BAIAP2: variants seen among roughly 807,000 people sequenced by gnomAD.
BAIAP2 encodes BAR/IMD domain containing adaptor protein 2.
Under a neutral mutation model 63.0 loss-of-function variants are expected in BAIAP2, and 18 were observed. The observed-to-expected ratio is 0.29, with a 90% CI of 0.20 to 0.42. The LOEUF is 0.42. Among genes scored for constraint, BAIAP2 ranks in the 10% least tolerant of loss-of-function variants. The pLI, the probability that BAIAP2 is intolerant of heterozygous loss-of-function variation, is 1.00. For synonymous variants in BAIAP2, 386 were observed against 307.6 expected (o/e 1.25, Z -2.67); for missense variants, 610 against 734.3 (o/e 0.83, Z 1.96).
At chr17:81,048,375 A>AG (rs1444817584) in intron 1 of BAIAP2, among the ~76,000 whole-genome samples, 1 of 151,816 alleles carries the variant, frequency 6.6e-6, no homozygotes, top group Non-Finnish European at 1.5e-5. Flanking sequence ...AAAAAAAAAA[A>AG]AAAAAGAATT....
chr17:81,036,560 T>C (rs571274218), intron 1 of BAIAP2, among the ~76,000 whole-genome samples: 1 of 152,354 alleles, frequency 6.6e-6, no homozygotes, highest in South Asian at 2.1e-4. Context: ...TGCACTTGAA[T>C]ACAGCTTTCA....
chr17:81,096,497 A>G (rs1314658650), intron 6 of BAIAP2, among the ~76,000 whole-genome samples: 1 of 152,212 alleles, frequency 6.6e-6, no homozygotes, highest in Non-Finnish European at 1.5e-5. Context: ...CTGCGGGAGG[A>G]GCGGGGCAGG....
chr17:81,112,195 T>C (rs1002242915), intron 13 of BAIAP2, among the ~76,000 whole-genome samples: 4 of 152,158 alleles, frequency 2.6e-5, no homozygotes, highest in African/African-American at 9.6e-5. Flanking sequence ...CTGAGGGGGC[T>C]GAACTGCCCT....
At chr17:81,104,976 A>AGCAGGGATCTCCCCCCAACG (rs370537414) in intron 10 of BAIAP2, 39,229 of 345,440 alleles carry the variant, frequency 0.11, 4,588 homozygotes, top group East Asian at 0.27. Context: ...TCCCCCCAAC[A>AGCAGGGATCTCCCCCCAACG]GCAGGGATCT....
rs12951666 is a variant in BAIAP2 at position 81,067,204 on chromosome 17, C to A, written c.217+9237C>A. ...TTCCTCCCTCCCTACAGTAGGACTCCGGCAGGGGTGCTCCAGAGACAGCCA... is the reference window on the plus strand; with the variant it reads ...TTCCTCCCTCCCTACAGTAGGACTCAGGCAGGGGTGCTCCAGAGACAGCCA... On this transcript the variant is annotated intron_variant, in intron 3 of 13. Coordinates refer to ENST00000428708, the MANE Select transcript of BAIAP2 (RefSeq NM_001144888.2). Among the ~76,000 whole-genome samples, 183 of 152,192 alleles carry A rather than the reference C, an allele frequency of 1.2e-3. 1 individual carries two copies. Among genetic ancestry groups the A allele is most frequent in the Middle Eastern group, 0.01 (3 of 294 alleles).
At chr17:81,052,801 C>T (rs923900309) in intron 1 of BAIAP2, among the ~76,000 whole-genome samples, 10 of 152,198 alleles carry the variant, frequency 6.6e-5, no homozygotes, top group African/African-American at 1.9e-4. Context: ...TGGGGCCCCA[C>T]AGCCTCCTGC....
At chr17:81,052,512 C>T (rs1026936694) in intron 1 of BAIAP2, among the ~76,000 whole-genome samples, 26 of 152,242 alleles carry the variant, frequency 1.7e-4, no homozygotes, top group African/African-American at 3.6e-4. Context: ...GAGGTGTACC[C>T]GGCCTGCTGT....
chr17:81,085,125 C>T (rs776497530), intron 4 of BAIAP2: 6 of 584,442 alleles, frequency 1.0e-5, no homozygotes, highest in African/African-American at 3.7e-5. Flanking sequence ...GCAGCCATGA[C>T]ACGCTGGGCT....
intron 1 of BAIAP2, among the ~76,000 whole-genome samples, chr17:81,050,564 C>CG (rs980184347): frequency 8.5e-5 from 13 of 152,272 alleles, no homozygotes; most frequent in African/African-American, 2.4e-4. Flanking sequence ...CTCTTCCACC[C>CG]GGGGGCCTGT....
chr17:81,111,400 C>CAGGGTCCTGGGG (rs1233287623), intron 13 of BAIAP2, among the ~76,000 whole-genome samples: 2 of 152,214 alleles, frequency 1.3e-5, no homozygotes, highest in Non-Finnish European at 2.9e-5. Flanking sequence ...GACTGGAGGT[C>CAGGGTCCTGGGG]AGGGTCCTGG....
chr17:81,111,629 G>T (rs888502309), intron 13 of BAIAP2, among the ~76,000 whole-genome samples: 1 of 152,258 alleles, frequency 6.6e-6, no homozygotes, highest in Admixed American at 6.5e-5. Context: ...GGCCATTATG[G>T]GTCCAATTCC....
intron 6 of BAIAP2, among the ~76,000 whole-genome samples, chr17:81,088,507 G>T (rs1444625686): frequency 1.3e-5 from 2 of 152,230 alleles, no homozygotes; most frequent in Non-Finnish European, 2.9e-5. Context: ...TCAATCAGCA[G>T]TCACTCCTGG....
At chr17:81,055,471 C>T (rs2049322510) in intron 2 of BAIAP2, among the ~76,000 whole-genome samples, 1 of 152,204 alleles carries the variant, frequency 6.6e-6, no homozygotes, top group Non-Finnish European at 1.5e-5. Flanking sequence ...CCACCCTGCC[C>T]CTCCTCTACA....
chr17:81,055,377 G>GGA (rs1283482646), intron 2 of BAIAP2, among the ~76,000 whole-genome samples: 1 of 152,014 alleles, frequency 6.6e-6, no homozygotes, highest in Non-Finnish European at 1.5e-5. Flanking sequence ...AATGGGACAG[G>GGA]GAGCTCCCTT....
At chr17:81,053,864 G>T in intron 2 of BAIAP2, 121 bp downstream of exon 2, 1 of 585,052 alleles carries the variant, frequency 1.7e-6, no homozygotes, top group African/African-American at 2.2e-5. Context: ...GGGCCCCGTG[G>T]GGTGGGAGCT....
chr17:81,042,451 C>T (rs1022302226), intron 1 of BAIAP2, among the ~76,000 whole-genome samples: 2 of 152,138 alleles, frequency 1.3e-5, no homozygotes, highest in Non-Finnish European at 2.9e-5. Context: ...CAAACGCACC[C>T]TGGTGCTTTC....
At chr17:81,110,779 C>A in intron 13 of BAIAP2, 1 of 1,299,332 alleles carries the variant, frequency 7.7e-7, no homozygotes, top group Non-Finnish European at 1.1e-6. Flanking sequence ...AGAGCCAGAG[C>A]CCCAGCTGTG....
chr17:81,109,963 C>T (rs757484840), intron 13 of BAIAP2: 7 of 985,310 alleles, frequency 7.1e-6, no homozygotes, highest in East Asian at 1.1e-4. Context: ...GGGAAACAGG[C>T]GGTTCCTGCC....
In BAIAP2 at chr17:81,116,295, C is replaced by T. The variant is rs1417976985; in HGVS notation, c.*456C>T. On this transcript the variant is annotated 3_prime_UTR_variant, in exon 14 of 14. Transcript: ENST00000428708. ...GGGGATGGGAGCGCCCGCACCCTGG[C>T]TGGAAGATGAACTTCCCGTAAGCAC... 1 of 1,612,872 alleles carries T rather than the reference C, an allele frequency of 6.2e-7. No individual in the cohort carries two copies. The highest frequency in any genetic ancestry group is 1.7e-5 in the Admixed American group (1 of 60,026).
Sources: gnomAD v4.1 joint callset for allele counts (sites outside exome capture counted in the v4.1 genomes callset) on GRCh38, gnomAD v4.1.1 for gene constraint, MANE v1.5 for transcripts, NCBI Gene and HGNC (gene_info 2026-07-23, HGNC 2026-07-21) for gene names.